IL36RN: variants seen among roughly 807,000 people sequenced by gnomAD.
IL36RN encodes interleukin-36 receptor antagonist protein.
IL36RN carries 11 observed loss-of-function variants against 13.0 expected under a neutral mutation model. The observed-to-expected ratio is 0.85, with a 90% CI of 0.53 to 1.40. IL36RN has a LOEUF of 1.40. IL36RN is among the 40% of genes most tolerant of loss of function. The pLI, the probability that IL36RN is intolerant of heterozygous loss-of-function variation, is 0.00. For synonymous variants in IL36RN, 94 were observed against 84.1 expected (o/e 1.12, Z -0.64); for missense variants, 195 against 195.3 (o/e 1.00, Z 0.01).
At position 113,061,863 on chromosome 2, in the gene IL36RN, T is replaced by C. The variant is rs552834648; in HGVS notation, c.116-261T>C. On this transcript the variant is annotated intron_variant, in intron 3 of 4. Coordinates refer to ENST00000393200, the MANE Select transcript of IL36RN (RefSeq NM_012275.3). Reference sequence around the variant, plus strand: ...AGGGACATTAAAGGAGGGGGTTGAATCTATTTTGGGGTGTAGAGGCTTGAA... The same window carrying C: ...AGGGACATTAAAGGAGGGGGTTGAACCTATTTTGGGGTGTAGAGGCTTGAA... Among the ~76,000 whole-genome samples the C allele has an allele frequency of 1.9e-3, 283 of 152,056 alleles. 1 individual carries two copies. The highest frequency in any genetic ancestry group is 6.1e-3 in the African/African-American group (254 of 41,462).
rs1210684084 is a variant in IL36RN, at chr2:113,062,798, C to T, written c.*121C>T. The T allele has an allele frequency of 5.8e-6, 5 of 856,346 alleles. No individual in the cohort carries two copies. The highest frequency in any genetic ancestry group is 9.5e-6 in the Non-Finnish European group (5 of 528,724). The allele number at this position is 856,346 out of a possible 1,614,324, so 53.0% of individuals were successfully genotyped here. On this transcript the variant is annotated 3_prime_UTR_variant, in exon 5 of 5. Coordinates refer to ENST00000393200, the MANE Select transcript of IL36RN (RefSeq NM_012275.3). ...GGACCCCCACGTCTGACTTAGTGGG[C>T]ACCTGACCACTTTGTCTTCTGGTTC...
At chr2:113,061,091 A>G (rs779082939) in intron 3 of IL36RN, among the ~76,000 whole-genome samples, 154 bp downstream of exon 3, 8 of 152,194 alleles carry the variant, frequency 5.3e-5, no homozygotes, top group Non-Finnish European at 7.3e-5. Flanking sequence ...AAAGGCAAAT[A>G]AAATACTACA....
Position 113,062,783 on chromosome 2 carries a change from G to A in IL36RN, c.*106G>A, listed in dbSNP as rs182598494. On this transcript the variant is annotated 3_prime_UTR_variant, in exon 5 of 5. Coordinates refer to ENST00000393200, the MANE Select transcript of IL36RN (RefSeq NM_012275.3). ...CTCTCTCTGCTCTCAGGACCCCCAC[G>A]TCTGACTTAGTGGGCACCTGACCAC... 1.8e-4 allele frequency: 174 copies of A among 985,598 alleles called. No individual in the cohort carries two copies. The East Asian group carries it at 3.9e-3, about 22-fold the overall frequency. The allele number at this position is 985,598 out of a possible 1,614,324, so 61.1% of individuals were successfully genotyped here. A position where few individuals can be genotyped will look rare whatever the true frequency, so the allele number is the denominator to read the frequency against.
chr2:113,060,031 C>A (rs1331657641), intron 2 of IL36RN, among the ~76,000 whole-genome samples: 1 of 152,162 alleles, frequency 6.6e-6, no homozygotes, highest in Non-Finnish European at 1.5e-5. Flanking sequence ...CCCACAGAGG[C>A]ATCCAGGAGA....
chr2:113,061,930 T>C (rs1003198889), intron 3 of IL36RN, among the ~76,000 whole-genome samples, 194 bp from the exon 4 acceptor site: 6 of 152,100 alleles, frequency 3.9e-5, no homozygotes, highest in African/African-American at 1.4e-4. Flanking sequence ...GGTGGTACAA[T>C]GTGCTTCCAT....
chr2:113,061,421 A>G (rs1451327600), intron 3 of IL36RN, among the ~76,000 whole-genome samples: 3 of 152,112 alleles, frequency 2.0e-5, no homozygotes, highest in African/African-American at 7.2e-5. Context: ...TGCCCCATGC[A>G]CTGCAACACG....
In IL36RN at chr2:113,063,598, G is replaced by T. The variant is rs1685688657; in HGVS notation, c.*921G>T. ...AATTCCTTGTATAAAAATAAGAAAA[G>T]AAATTAATCTTGAGGTAAGCAGAGT... On this transcript the variant is annotated 3_prime_UTR_variant, in exon 5 of 5. Transcript: ENST00000393200. 1.3e-5 allele frequency: 2 copies of T among 152,142 alleles called. No homozygotes were observed. The highest frequency in any genetic ancestry group is 4.1e-4 in the South Asian group (2 of 4,836). 9.4% of individuals were successfully genotyped at this position (152,142 alleles called of 1,614,324 possible). A position where few individuals can be genotyped will look rare whatever the true frequency, so the allele number is the denominator to read the frequency against.
chr2:113,062,323 G>A, intron 4 of IL36RN, 72 bp downstream of exon 4: 2 of 1,609,060 alleles, frequency 1.2e-6, no homozygotes, highest in Non-Finnish European at 1.7e-6. Context: ...GCAGCCCACA[G>A]CCCTGGTGCT....
chr2:113,061,520 G>A (rs1558843165), intron 3 of IL36RN, among the ~76,000 whole-genome samples: 2 of 152,150 alleles, frequency 1.3e-5, no homozygotes, highest in Non-Finnish European at 2.9e-5. Context: ...GGCCATATGT[G>A]TATGTGTGTG....
chr2:113,060,984 C>A, intron 3 of IL36RN, 47 bp downstream of exon 3: 2 of 1,420,640 alleles, frequency 1.4e-6, no homozygotes, highest in Non-Finnish European at 2.0e-6. Context: ...TATACACTCT[C>A]AGGGGAGGGG....
At position 113,062,620 on chromosome 2, in the gene IL36RN, C is replaced by T. The variant is rs765211863; in HGVS notation, c.411C>T (p.Pro137=). Residue 137 remains proline (P), a synonymous_variant, in exon 5 of 5, where the codon CCC becomes CCT. Coordinates refer to ENST00000393200, the MANE Select transcript of IL36RN (RefSeq NM_012275.3). ...AGCCTGTCAGACTCACCCAGCTTCC[C>T]GAGAATGGTGGCTGGAATGCCCCCA... ...ADQPVRLTQL[P]ENGGWNAPIT... is the part of the protein sequence containing the mutation. The T allele has an allele frequency of 9.9e-6, 16 of 1,613,324 alleles. No individual in the cohort carries two copies. In the Admixed American group the frequency reaches 2.0e-4, roughly 20 times the overall value.
chr2:113,062,457 T>A lies in IL36RN; in HGVS notation c.248T>A (p.Val83Glu), dbSNP rs886054767. 9.3e-6 allele frequency: 15 copies of A among 1,613,920 alleles called. No homozygotes were observed. The highest frequency in any genetic ancestry group is 3.3e-5 in the Admixed American group (2 of 60,006). Residue 83 changes from valine to glutamate, a missense_variant, in exon 5 of 5, where the codon GTG (valine) becomes GAG (glutamate). Transcript: ENST00000393200. ...GQEPTLTLEP[V>E]NIMELYLGAK... ...CCTCCCCTCCTCTGCCGGCAGCCAGTGAACATCATGGAGCTCTATCTTGGT... is the reference window on the plus strand; with the variant it reads ...CCTCCCCTCCTCTGCCGGCAGCCAGAGAACATCATGGAGCTCTATCTTGGT...
intron 2 of IL36RN, 88 bp from the exon 3 acceptor site, chr2:113,060,764 C>T: frequency 4.4e-6 from 4 of 906,072 alleles, no homozygotes; most frequent in Non-Finnish European, 7.3e-6. Context: ...GACAAAATGC[C>T]TGAGATCAGG....
intron 2 of IL36RN, among the ~76,000 whole-genome samples, chr2:113,060,053 G>A (rs1001141325): frequency 6.6e-6 from 1 of 152,184 alleles, no homozygotes; most frequent in African/African-American, 2.4e-5. Context: ...GCTTTACACA[G>A]TGGAGCTCTC....
intron 3 of IL36RN, among the ~76,000 whole-genome samples, chr2:113,061,574 G>C (rs1233698356): frequency 1.3e-5 from 1 of 76,962 alleles, no homozygotes; most frequent in Admixed American, 1.3e-4. Flanking sequence ...ATATGTGTGA[G>C]CATGTGTGCA....
chr2:113,059,999 T>A (rs553180988), intron 2 of IL36RN, among the ~76,000 whole-genome samples: 24 of 152,322 alleles, frequency 1.6e-4, no homozygotes, highest in African/African-American at 5.5e-4. Context: ...TGATGTGTTC[T>A]ATGGGACTCG....
chr2:113,063,859 C>T lies in IL36RN; in HGVS notation c.*1182C>T, dbSNP rs1685693138. 6.6e-6 allele frequency: 1 copy of T among 152,158 alleles called. No homozygotes were observed. Among genetic ancestry groups the T allele is most frequent in the Non-Finnish European group, 1.5e-5 (1 of 68,038 alleles). 9.4% of individuals were successfully genotyped at this position (152,158 alleles called of 1,614,324 possible). A position where few individuals can be genotyped will look rare whatever the true frequency, so the allele number is the denominator to read the frequency against. On this transcript the variant is annotated 3_prime_UTR_variant, in exon 5 of 5. Coordinates refer to ENST00000393200, the MANE Select transcript of IL36RN (RefSeq NM_012275.3). ...GATCACAGCCCCTGGGATTCCAAGG[C>T]ATTGGATCCAGTCTCTAAGAAGGCT...
Position 113,062,475 on chromosome 2 carries a change from A to C in IL36RN, c.266A>C (p.Tyr89Ser). The change falls in exon 5 of 5, where the codon TAT (tyrosine) becomes TCT (serine). Residue 89 changes from tyrosine (Y) to serine (S), a missense_variant. Tyr to Ser is a moderately radical substitution (Grantham distance 144, BLOSUM62 -2). Coordinates refer to ENST00000393200, the MANE Select transcript of IL36RN (RefSeq NM_012275.3). ...TLEPVNIMEL[Y>S]LGAKESKSFT... The stretch of plus-strand genomic sequence containing the variant: ...CAGCCAGTGAACATCATGGAGCTCT[A>C]TCTTGGTGCCAAGGAATCCAAGAGC... 1 of 1,613,962 alleles carries C rather than the reference A, an allele frequency of 6.2e-7. No individual in the cohort carries two copies. Among genetic ancestry groups the C allele is most frequent in the Non-Finnish European group, 8.5e-7 (1 of 1,179,978 alleles).
Position 113,062,470 on chromosome 2 carries a change from G to A in IL36RN, c.261G>A (p.Glu87=), listed in dbSNP as rs201346453. ...TLTLEPVNIM[E]LYLGAKESKS... ...GCCGGCAGCCAGTGAACATCATGGAGCTCTATCTTGGTGCCAAGGAATCCA... is the reference window on the plus strand; with the variant it reads ...GCCGGCAGCCAGTGAACATCATGGAACTCTATCTTGGTGCCAAGGAATCCA... The change falls in exon 5 of 5, where the codon GAG becomes GAA. Residue 87 remains glutamate, a synonymous_variant. Coordinates refer to ENST00000393200, the MANE Select transcript of IL36RN (RefSeq NM_012275.3). 2.5e-6 allele frequency: 4 copies of A among 1,614,090 alleles called. No homozygotes were observed. In the African/African-American group the frequency reaches 4.0e-5, roughly 16 times the overall value.
Sources: allele counts gnomAD v4.1 joint callset (sites outside exome capture counted in the v4.1 genomes callset), GRCh38; gene constraint gnomAD v4.1.1; transcripts MANE v1.5; gene names NCBI Gene and HGNC (gene_info 2026-07-23, HGNC 2026-07-21).